The following NEDD4L variants were observed in gnomAD, a reference collection of about 807,000 sequenced individuals.
NEDD4L encodes NEDD4 like E3 ubiquitin protein ligase, also known as E3 ubiquitin-protein ligase NEDD4-like.
Under a neutral mutation model 148.9 loss-of-function variants are expected in NEDD4L, and 54 were observed. That is an observed-to-expected ratio of 0.36 (90% CI 0.29 to 0.45). The LOEUF (loss-of-function observed/expected upper bound fraction) is 0.45, where lower values mean the gene tolerates loss of function less well. NEDD4L is among the 20% of genes least tolerant of loss of function. The pLI, the probability that NEDD4L is intolerant of heterozygous loss-of-function variation, is 1.00. For missense variants in NEDD4L, 856 were observed against 1,233.8 expected, an observed-to-expected ratio of 0.69 and a Z score of 4.59; for synonymous variants, 433 against 440.7, an observed-to-expected ratio of 0.98 and a Z score of 0.22.
At chr18:58,188,282 G>T (rs1029626876) in intron 2 of NEDD4L, among the ~76,000 whole-genome samples, 1 of 152,186 alleles carries the variant, frequency 6.6e-6, no homozygotes, top group Non-Finnish European at 1.5e-5. Flanking sequence ...AGAACATAGG[G>T]CTCAAAGGGA....
intron 2 of NEDD4L, among the ~76,000 whole-genome samples, chr18:58,227,360 G>A (rs1455392726): frequency 6.6e-6 from 1 of 152,220 alleles, no homozygotes; most frequent in Non-Finnish European, 1.5e-5. Context: ...TCTCCAGGCA[G>A]TCTTCCTGGG....
At chr18:58,314,056 G>T (rs1333927492) in intron 5 of NEDD4L, among the ~76,000 whole-genome samples, 1 of 152,168 alleles carries the variant, frequency 6.6e-6, no homozygotes, top group African/African-American at 2.4e-5. Flanking sequence ...ACAATTTATG[G>T]TCAATATTCA....
intron 13 of NEDD4L, among the ~76,000 whole-genome samples, chr18:58,339,937 A>G (rs987829013): frequency 2.6e-5 from 4 of 152,180 alleles, no homozygotes; most frequent in African/African-American, 9.7e-5. Context: ...ATAGCAAGAA[A>G]ACGACAACTG....
At chr18:58,098,247 A>G (rs9963750) in intron 1 of NEDD4L, among the ~76,000 whole-genome samples, 5,287 of 152,146 alleles carry the variant, frequency 0.035, 313 homozygotes, top group African/African-American at 0.12. Context: ...TGGGAGGGAC[A>G]GAGCCTGTTG....
intron 2 of NEDD4L, among the ~76,000 whole-genome samples, chr18:58,215,207 A>G (rs1235382271): frequency 6.6e-6 from 1 of 152,268 alleles, no homozygotes; most frequent in African/African-American, 2.4e-5. Flanking sequence ...TACAATGTTC[A>G]TAGACGTTGG....
intron 1 of NEDD4L, among the ~76,000 whole-genome samples, chr18:58,123,093 A>T (rs1432829745): frequency 1.3e-5 from 2 of 152,108 alleles, no homozygotes; most frequent in Non-Finnish European, 2.9e-5. Context: ...GTTCCCTGTC[A>T]TGGCAGCATC....
At chr18:58,263,475 G>T (rs1049331296) in intron 5 of NEDD4L, among the ~76,000 whole-genome samples, 9 of 151,884 alleles carry the variant, frequency 5.9e-5, no homozygotes, top group African/African-American at 2.2e-4. Context: ...GATGGGCTGG[G>T]GTTGTTATTA....
intron 5 of NEDD4L, among the ~76,000 whole-genome samples, chr18:58,276,414 G>A (rs1308170584): frequency 6.6e-6 from 1 of 151,850 alleles, no homozygotes; most frequent in Non-Finnish European, 1.5e-5. Context: ...TCGCCATGTT[G>A]GCCAGGCTGG....
rs1015430370 is a variant in NEDD4L, at chr18:58,366,896, C to A, written c.2063+668C>A. On this transcript the variant is annotated intron_variant, in intron 21 of 30. Transcript: ENST00000400345. This position sits in a 1 kb window ranked among gnomAD's most constrained non-coding sequence, Gnocchi z 4.2. ...ACTCCAGCCCTGGGCTCTAAGGGGA[C>A]GTGGGTTCCCCCACATCTCCCACCT... Among the ~76,000 whole-genome samples, 2 of 152,184 alleles carry A rather than the reference C, an allele frequency of 1.3e-5. No homozygotes were observed. The highest frequency in any genetic ancestry group is 3.9e-4 in the East Asian group (2 of 5,184).
intron 2 of NEDD4L, among the ~76,000 whole-genome samples, chr18:58,237,390 A>G (rs374972624): frequency 6.6e-6 from 1 of 152,204 alleles, no homozygotes; most frequent in Admixed American, 6.5e-5. Context: ...ATTATTAATA[A>G]CATAAAAGAA....
chr18:58,224,779 TCTCC>T (rs2147999928), intron 2 of NEDD4L, among the ~76,000 whole-genome samples: 1 of 152,336 alleles, frequency 6.6e-6, no homozygotes, highest in East Asian at 1.9e-4. Context: ...GGGCACTCCT[TCTCC>T]CTTTCACTTG....
chr18:58,300,302 T>C lies in NEDD4L; in HGVS notation c.298-15680T>C, dbSNP rs1260143955. On this transcript the variant is annotated intron_variant, in intron 5 of 30. Coordinates refer to ENST00000400345, the MANE Select transcript of NEDD4L (RefSeq NM_001144967.3). Reference sequence around the variant, plus strand: ...TGTTGATTTATAGCTTAAAATTAATTGTGTGATGCAAATAGGAGGGTTACC... The same window carrying C: ...TGTTGATTTATAGCTTAAAATTAATCGTGTGATGCAAATAGGAGGGTTACC... 3.9e-5 allele frequency among the ~76,000 whole-genome samples: 6 copies of C among 152,342 alleles called. No individual in the cohort carries two copies. The East Asian group carries it at 1.2e-3, about 29-fold the overall frequency.
chr18:58,329,527 T>C (rs2059617651), intron 10 of NEDD4L, among the ~76,000 whole-genome samples: 1 of 152,020 alleles, frequency 6.6e-6, no homozygotes, highest in South Asian at 2.1e-4. Flanking sequence ...CGGCCAGTTT[T>C]TGTATTTTTA....
chr18:58,162,669 A>C (rs1452103721), intron 1 of NEDD4L, among the ~76,000 whole-genome samples: 2 of 150,876 alleles, frequency 1.3e-5, no homozygotes, highest in Non-Finnish European at 2.9e-5. Flanking sequence ...TTACATCTCT[A>C]TCTCCAGATA....
intron 5 of NEDD4L, among the ~76,000 whole-genome samples, chr18:58,289,960 T>G (rs1006054236): frequency 1.3e-5 from 2 of 152,384 alleles, no homozygotes; most frequent in Middle Eastern, 3.4e-3. Context: ...TTTCAGAGAC[T>G]TTATTTCATA....
chr18:58,178,766 C>T (rs191610177), intron 2 of NEDD4L, among the ~76,000 whole-genome samples: 3 of 152,284 alleles, frequency 2.0e-5, no homozygotes, highest in East Asian at 1.9e-4. Context: ...AAGGGTTGTT[C>T]GCATTTTTAT....
chr18:58,153,027 C>T (rs141435551), intron 1 of NEDD4L, among the ~76,000 whole-genome samples: 202 of 152,248 alleles, frequency 1.3e-3, no homozygotes, highest in Non-Finnish European at 2.0e-3. Context: ...GAAGGAGAGT[C>T]TAAATGAGTG....
At chr18:58,142,006 C>G (rs1019230646) in intron 1 of NEDD4L, among the ~76,000 whole-genome samples, 1 of 143,516 alleles carries the variant, frequency 7.0e-6, no homozygotes, top group East Asian at 2.0e-4. Flanking sequence ...GTCTACCCCA[C>G]CCCCCCGACC....
chr18:58,343,786 G>A (rs1433273479), intron 16 of NEDD4L, among the ~76,000 whole-genome samples: 1 of 152,150 alleles, frequency 6.6e-6, no homozygotes, highest in Non-Finnish European at 1.5e-5. Context: ...GCATATCTTT[G>A]TATTTCTGTG....
Sources: gnomAD v4.1 joint callset for allele counts (sites outside exome capture counted in the v4.1 genomes callset) on GRCh38, gnomAD v4.1.1 for gene constraint, Gnocchi (gnomAD v3.1) non-coding constraint, MANE v1.5 for transcripts, NCBI Gene and HGNC (gene_info 2026-07-23, HGNC 2026-07-21) for gene names.